The following STX11 variants were observed in gnomAD, a reference collection of about 807,000 sequenced individuals.
STX11 encodes syntaxin-11.
Under a neutral mutation model 19.9 loss-of-function variants are expected in STX11, and 21 were observed. That is an observed-to-expected ratio of 1.06 (90% confidence interval 0.75 to 1.52). The LOEUF is 1.52. STX11 is among the 40% of genes most tolerant of loss of function. STX11 has a pLI of 0.00. For synonymous variants in STX11, 193 were observed against 174.4 expected (o/e 1.11, Z -0.84); for missense variants, 438 against 405.9 (o/e 1.08, Z -0.68).
rs1380010987 is a variant in STX11 at position 144,189,324 on chromosome 6, AT to A, written c.*1841del. On this transcript the variant is annotated 3_prime_UTR_variant, in exon 2 of 2. Coordinates refer to ENST00000367568, the MANE Select transcript of STX11 (RefSeq NM_003764.4). ...GGCCTGAGCCACTGACCCTGGCCAAATTTTTTTTCTACTAGCTACTGAGGCT... is the reference window on the plus strand; with the variant it reads ...GGCCTGAGCCACTGACCCTGGCCAAATTTTTTTCTACTAGCTACTGAGGCT... Among the ~76,000 whole-genome samples the A allele has an allele frequency of 6.6e-6, 1 of 152,084 alleles. No individual in the cohort carries two copies. Among genetic ancestry groups the A allele is most frequent in the African/African-American group, 2.4e-5 (1 of 41,410 alleles).
At chr6:144,141,168 T>C in the STX11 span, among the ~76,000 whole-genome samples, 2 of 152,344 alleles carry the variant, frequency 1.3e-5, no homozygotes, top group Non-Finnish European at 2.9e-5. Flanking sequence ...AAAATTGGTT[T>C]CCATAAAGAG....
rs557099357 is a variant in STX11 at position 144,170,347 on chromosome 6, T to C, written c.-5-16276T>C. 2.0e-5 allele frequency among the ~76,000 whole-genome samples: 3 copies of C among 152,262 alleles called. No individual in the cohort carries two copies. The highest frequency in any genetic ancestry group is 4.4e-5 in the Non-Finnish European group (3 of 68,012). On this transcript the variant is annotated intron_variant, in intron 1 of 1. Coordinates refer to ENST00000367568, the MANE Select transcript of STX11 (RefSeq NM_003764.4). The surrounding 1 kb of genome is among the most constrained non-coding windows in gnomAD (Gnocchi z 4.7). ...ATGCCATTTTATTACCTTTTGTCTGTGTGTGTGCGTGGGAAGGGGAATCTG... is the reference window on the plus strand; with the variant it reads ...ATGCCATTTTATTACCTTTTGTCTGCGTGTGTGCGTGGGAAGGGGAATCTG...
chr6:144,171,550 A>G (rs1801635394), intron 1 of STX11, among the ~76,000 whole-genome samples: 1 of 151,962 alleles, frequency 6.6e-6, no homozygotes, highest in Non-Finnish European at 1.5e-5. Context: ...AGTTCTCAAA[A>G]CCTCTTATCA....
intron 1 of STX11, among the ~76,000 whole-genome samples, chr6:144,157,199 G>C (rs1801193887): frequency 6.6e-6 from 1 of 152,208 alleles, no homozygotes; most frequent in Admixed American, 6.5e-5. Flanking sequence ...TTGCACAGGG[G>C]GAGAGACTGA....
rs1334705208 is a variant in STX11, at chr6:144,174,227, C to G, written c.-5-12396C>G. Among the ~76,000 whole-genome samples the G allele has an allele frequency of 2.0e-5, 3 of 152,186 alleles. No homozygotes were observed. The highest frequency in any genetic ancestry group is 1.3e-4 in the Admixed American group (2 of 15,276). On this transcript the variant is annotated intron_variant, in intron 1 of 1. Transcript: ENST00000367568. The surrounding 1 kb of genome is among the most constrained non-coding windows in gnomAD (Gnocchi z 5.3). ...TTTTGCACAAATGCTTTTCAAACCT[C>G]TGCTTGCATCATATTTGCTAATGTC...
In STX11 at chr6:144,185,761, T is replaced by C. The variant is rs568582989; in HGVS notation, c.-5-862T>C. On this transcript the variant is annotated intron_variant, in intron 1 of 1. Transcript: ENST00000367568. ...CGATGCTTATCATTAGGGAATGATATTGAGAAGAGGAGTAAGGAAACCTCA... is the reference window on the plus strand; with the variant it reads ...CGATGCTTATCATTAGGGAATGATACTGAGAAGAGGAGTAAGGAAACCTCA... 1.1e-4 allele frequency among the ~76,000 whole-genome samples: 17 copies of C among 152,360 alleles called. No homozygotes were observed. In the South Asian group the frequency reaches 2.3e-3, roughly 20 times the overall value.
At chr6:144,149,874 T>C (rs1043135381), upstream of STX11, among the ~76,000 whole-genome samples, 10 of 152,202 alleles carry the variant, frequency 6.6e-5, no homozygotes, top group African/African-American at 1.9e-4. The surrounding 1 kb of genome is among the most constrained non-coding windows in gnomAD (Gnocchi z 5.1). Context: ...CACTTTCTAT[T>C]TATCCCTCCC....
chr6:144,178,877 A>G (rs1801836760), intron 1 of STX11, among the ~76,000 whole-genome samples: 1 of 152,142 alleles, frequency 6.6e-6, no homozygotes, highest in Admixed American at 6.5e-5. Flanking sequence ...CAGCAAGAAA[A>G]TTAGAGCTAT....
upstream of STX11, among the ~76,000 whole-genome samples, chr6:144,149,982 G>A (rs1202694486): frequency 6.7e-6 from 1 of 149,892 alleles, no homozygotes; most frequent in Admixed American, 6.6e-5. This position sits in a 1 kb window ranked among gnomAD's most constrained non-coding sequence, Gnocchi z 5.1. Context: ...AGAATGATGA[G>A]CCCGGCGGGT....
Position 144,155,295 on chromosome 6 carries a change from A to G in STX11, c.-6+4592A>G, listed in dbSNP as rs1357514474. Among the ~76,000 whole-genome samples, 1 of 152,202 alleles carries G rather than the reference A, an allele frequency of 6.6e-6. No homozygotes were observed. Among genetic ancestry groups the G allele is most frequent in the Non-Finnish European group, 1.5e-5 (1 of 68,036 alleles). ...GAAGCTTTAAAATGTTCAAATGTCC[A>G]CTTTGGGAGGCTGAGGCAGGAGGAT... On this transcript the variant is annotated intron_variant, in intron 1 of 1. Transcript: ENST00000367568. This position sits in a 1 kb window ranked among gnomAD's most constrained non-coding sequence, Gnocchi z 4.5.
rs558797705 is a variant in STX11 at position 144,190,583 on chromosome 6, CT to C, written c.*3104del. ...ACCCCATCTTCTGTGAATATTAGGG[CT>C]TTTTTTTTTTTGACAGTCATAAAGA... On this transcript the variant is annotated 3_prime_UTR_variant, in exon 2 of 2. Transcript: ENST00000367568. Among the ~76,000 whole-genome samples, 2,266 of 142,418 alleles carry C rather than the reference CT, an allele frequency of 0.016. 19 individuals are homozygous for C. The highest frequency in any genetic ancestry group is 0.041 in the East Asian group (206 of 5,018). The allele number at this position is 142,418 out of a possible 152,430, so 93.4% of individuals were successfully genotyped here.
upstream of STX11, among the ~76,000 whole-genome samples, chr6:144,146,222 G>A (rs916790370): frequency 3.3e-5 from 5 of 152,124 alleles, no homozygotes; most frequent in Non-Finnish European, 5.9e-5. The surrounding 1 kb of genome is among the most constrained non-coding windows in gnomAD (Gnocchi z 4.4). Context: ...TGATGGCCAC[G>A]GCTGACAGAT....
upstream of STX11, among the ~76,000 whole-genome samples, chr6:144,148,399 A>C (rs1447929090): frequency 1.3e-5 from 2 of 152,200 alleles, no homozygotes; most frequent in African/African-American, 4.8e-5. Flanking sequence ...ATGGCTTTGC[A>C]ATATACCCAT....
In STX11 at chr6:144,182,821, A is replaced by G. The variant is rs1801940179; in HGVS notation, c.-5-3802A>G. On this transcript the variant is annotated intron_variant, in intron 1 of 1. Transcript: ENST00000367568. The surrounding 1 kb of genome is among the most constrained non-coding windows in gnomAD (Gnocchi z 4.8). The stretch of plus-strand genomic sequence containing the variant: ...AAGTGCCTTGTAAGGCTTGGCCAAC[A>G]TGTAAGGAAGGAAGGCATCTCTCAC... Among the ~76,000 whole-genome samples the G allele has an allele frequency of 6.6e-6, 1 of 152,188 alleles. No individual in the cohort carries two copies. Among genetic ancestry groups the G allele is most frequent in the Non-Finnish European group, 1.5e-5 (1 of 68,038 alleles).
chr6:144,158,714 C>G (rs1369622046), intron 1 of STX11, among the ~76,000 whole-genome samples: 2 of 152,112 alleles, frequency 1.3e-5, no homozygotes, highest in Non-Finnish European at 2.9e-5. Context: ...CTAATGAGAT[C>G]AGAGATAACT....
intron 1 of STX11, among the ~76,000 whole-genome samples, chr6:144,156,051 C>CTT (rs1417378122): frequency 1.0e-3 from 58 of 57,668 alleles, no homozygotes; most frequent in African/African-American, 2.7e-3. Flanking sequence ...TCCTTCCTTC[C>CTT]CCTCCCCTCC....
upstream of STX11, among the ~76,000 whole-genome samples, chr6:144,146,923 G>A (rs1250271856): frequency 6.6e-6 from 1 of 152,174 alleles, no homozygotes; most frequent in African/African-American, 2.4e-5. The surrounding 1 kb of genome is among the most constrained non-coding windows in gnomAD (Gnocchi z 4.4). Flanking sequence ...GGGGAAGATT[G>A]CTGGGGATTA....
the STX11 span, among the ~76,000 whole-genome samples, chr6:144,140,115 A>G: frequency 6.7e-6 from 1 of 150,224 alleles, no homozygotes; most frequent in East Asian, 2.0e-4. Context: ...CATCACCCAC[A>G]GAGGCAGATG....
upstream of STX11, among the ~76,000 whole-genome samples, chr6:144,148,236 T>C (rs77159321): frequency 5.9e-3 from 895 of 152,276 alleles, 42 homozygotes; most frequent in East Asian, 0.11. Flanking sequence ...ACCATCACTC[T>C]TCCTGGACTC....
Sources: allele counts gnomAD v4.1 joint callset (sites outside exome capture counted in the v4.1 genomes callset), GRCh38; gene constraint gnomAD v4.1.1; non-coding constraint Gnocchi (gnomAD v3.1); transcripts MANE v1.5; gene names NCBI Gene and HGNC (gene_info 2026-07-23, HGNC 2026-07-21).